STK32B: variants seen among roughly 807,000 people sequenced by gnomAD.
STK32B encodes the protein serine/threonine kinase 32B.
A neutral mutation model predicts 52.6 loss-of-function variants in STK32B; 43 were observed. That is an observed-to-expected ratio of 0.82 (90% confidence interval 0.64 to 1.05). The LOEUF (loss-of-function observed/expected upper bound fraction) is 1.05, where lower values mean the gene tolerates loss of function less well. Among genes scored for constraint, STK32B ranks in the 50% least tolerant of loss-of-function variants. The pLI is 0.00. For missense variants in STK32B, 621 were observed against 534.6 expected, an observed-to-expected ratio of 1.16 and a Z score of -1.59; for synonymous variants, 238 against 204.3, an observed-to-expected ratio of 1.17 and a Z score of -1.41.
At chr4:5,200,253 C>CTTTTTTTTTT (rs35848579) in intron 3 of STK32B, among the ~76,000 whole-genome samples, 1 of 142,342 alleles carries the variant, frequency 7.0e-6, no homozygotes, top group African/African-American at 2.6e-5. Context: ...CTCTTCTGCT[C>CTTTTTTTTTT]TTTTTTTTTT....
the STK32B span, among the ~76,000 whole-genome samples, chr4:5,022,485 A>T: frequency 2.0e-5 from 3 of 152,184 alleles, no homozygotes; most frequent in African/African-American, 7.2e-5. Context: ...AATCACCTGC[A>T]TCCTCCCACC....
In STK32B at chr4:5,398,646, A is replaced by C. The variant is rs1359974142; in HGVS notation, c.472+402A>C. Among the ~76,000 whole-genome samples, 1 of 152,174 alleles carries C rather than the reference A, an allele frequency of 6.6e-6. No homozygotes were observed. Among genetic ancestry groups the C allele is most frequent in the Non-Finnish European group, 1.5e-5 (1 of 68,028 alleles). On this transcript the variant is annotated intron_variant, in intron 5 of 11. Transcript: ENST00000282908. The surrounding 1 kb of genome is among the most constrained non-coding windows in gnomAD (Gnocchi z 4.9). ...GCACCTCCCTTGCAGGGTGTTCATG[A>C]GGGTGAAATGAGAGTACACACTCAT...
At chr4:5,401,532 G>A (rs1737291149) in intron 5 of STK32B, among the ~76,000 whole-genome samples, 1 of 152,154 alleles carries the variant, frequency 6.6e-6, no homozygotes. Context: ...TGATCTTTCA[G>A]GGTTTTATGT....
chr4:5,133,605 T>G (rs1298861012), intron 1 of STK32B, among the ~76,000 whole-genome samples: 2 of 152,222 alleles, frequency 1.3e-5, no homozygotes, highest in Non-Finnish European at 2.9e-5. Flanking sequence ...ATTTCTGTAC[T>G]AAGGAGAGAC....
At chr4:5,438,410 C>G (rs1438535131) in intron 6 of STK32B, among the ~76,000 whole-genome samples, 2 of 152,130 alleles carry the variant, frequency 1.3e-5, no homozygotes, top group African/African-American at 4.8e-5. Context: ...TGATCTATCA[C>G]CGATAGGAAG....
chr4:5,424,157 C>T (rs974104801), intron 6 of STK32B, among the ~76,000 whole-genome samples: 1 of 152,154 alleles, frequency 6.6e-6, no homozygotes, highest in African/African-American at 2.4e-5. Flanking sequence ...ATGCCAGCCC[C>T]CTGCTACCTT....
intron 6 of STK32B, among the ~76,000 whole-genome samples, chr4:5,435,177 C>G (rs1043074036): frequency 7.2e-5 from 11 of 152,210 alleles, no homozygotes; most frequent in African/African-American, 2.7e-4. Context: ...TTGGCCATTC[C>G]CCTTACCAAA....
chr4:5,119,272 T>A (rs1714900706), intron 1 of STK32B, among the ~76,000 whole-genome samples: 1 of 152,200 alleles, frequency 6.6e-6, no homozygotes, highest in Non-Finnish European at 1.5e-5. Context: ...TGCCTTGTCC[T>A]GTGTGTGAAA....
chr4:5,350,014 T>C (rs2108983812), intron 4 of STK32B, among the ~76,000 whole-genome samples: 1 of 152,274 alleles, frequency 6.6e-6, no homozygotes, highest in Admixed American at 6.5e-5. Flanking sequence ...TATTCAAATT[T>C]TCAGTGTCCC....
At chr4:5,035,246 A>G in the STK32B span, among the ~76,000 whole-genome samples, 2 of 152,230 alleles carry the variant, frequency 1.3e-5, no homozygotes, top group Non-Finnish European at 2.9e-5. Flanking sequence ...GTCTGCATGT[A>G]CATTCATTGA....
chr4:5,165,679 C>G (rs73091562), intron 2 of STK32B, among the ~76,000 whole-genome samples: 13 of 152,122 alleles, frequency 8.5e-5, no homozygotes, highest in Non-Finnish European at 1.6e-4. Context: ...GCCTGGTGCC[C>G]GGGCCTCCAG....
At chr4:5,113,035 C>T (rs1448103297) in intron 1 of STK32B, among the ~76,000 whole-genome samples, 1 of 152,110 alleles carries the variant, frequency 6.6e-6, no homozygotes, top group Non-Finnish European at 1.5e-5. Context: ...GAGATGGAGC[C>T]TCTGTCAGCT....
chr4:5,152,591 T>C (rs1220259443), intron 2 of STK32B, among the ~76,000 whole-genome samples: 1 of 152,268 alleles, frequency 6.6e-6, no homozygotes, highest in Non-Finnish European at 1.5e-5. Flanking sequence ...ATGGAGGATG[T>C]CAGGAGACAG....
At chr4:5,349,706 A>G (rs1604673) in intron 4 of STK32B, among the ~76,000 whole-genome samples, 8,842 of 152,264 alleles carry the variant, frequency 0.058, 568 homozygotes, top group Admixed American at 0.19. Flanking sequence ...TCAGTGAGAT[A>G]AAAGAGAATA....
chr4:5,207,018 C>T (rs780436467), intron 3 of STK32B, among the ~76,000 whole-genome samples: 16 of 152,170 alleles, frequency 1.1e-4, no homozygotes, highest in Non-Finnish European at 2.1e-4. Flanking sequence ...CAAACTATGG[C>T]TCATGGGCCA....
intron 3 of STK32B, among the ~76,000 whole-genome samples, chr4:5,252,946 A>C (rs1481018607): frequency 6.6e-6 from 1 of 151,982 alleles, no homozygotes; most frequent in Non-Finnish European, 1.5e-5. Context: ...ACTGTGCACC[A>C]TGTCTCCATT....
intron 1 of STK32B, among the ~76,000 whole-genome samples, chr4:5,082,205 T>C (rs542033240): frequency 4.6e-5 from 7 of 152,282 alleles, no homozygotes; most frequent in Non-Finnish European, 7.4e-5. Flanking sequence ...CTCCCATTTG[T>C]TGTCCCGAAG....
At chr4:5,159,527 ATATATG>A (rs1718166040) in intron 2 of STK32B, among the ~76,000 whole-genome samples, 1 of 119,390 alleles carries the variant, frequency 8.4e-6, no homozygotes, top group Non-Finnish European at 1.7e-5. Flanking sequence ...AATATATGAT[ATATATG>A]TATATATGTA....
chr4:5,045,561 C>T, the STK32B span, among the ~76,000 whole-genome samples: 1 of 152,028 alleles, frequency 6.6e-6, no homozygotes, highest in Non-Finnish European at 1.5e-5. Flanking sequence ...AAGGTTTTTC[C>T]ATTTGTTTGT....
Sources: gnomAD v4.1 joint callset for allele counts (sites outside exome capture counted in the v4.1 genomes callset) on GRCh38, gnomAD v4.1.1 for gene constraint, Gnocchi (gnomAD v3.1) non-coding constraint, MANE v1.5 for transcripts, NCBI Gene and HGNC (gene_info 2026-07-23, HGNC 2026-07-21) for gene names.